LRRK2: variants seen among roughly 807,000 people sequenced by gnomAD.
LRRK2 encodes leucine-rich repeat serine/threonine-protein kinase 2.
A neutral mutation model predicts 302.6 loss-of-function variants in LRRK2; 203 were observed. The ratio of observed to expected loss-of-function variants is 0.67; its 90% CI spans 0.60 to 0.75. The LOEUF is 0.75. Among genes scored for constraint, LRRK2 ranks in the 30% least tolerant of loss-of-function variants. The pLI, the probability that LRRK2 is intolerant of heterozygous loss-of-function variation, is 0.00. For missense variants in LRRK2, 2,830 were observed against 2,951.0 expected, an observed-to-expected ratio of 0.96 and a Z score of 0.95; for synonymous variants, 1,066 against 1,031.9, an observed-to-expected ratio of 1.03 and a Z score of -0.63.
At chr12:40,355,531 T>TCCCTCCCTG (rs1946504910) in intron 45 of LRRK2, among the ~76,000 whole-genome samples, 1 of 32,168 alleles carries the variant, frequency 3.1e-5, no homozygotes, top group Admixed American at 3.4e-4. Flanking sequence ...CTCCCTCCCT[T>TCCCTCCCTG]CCTTCCTTCC....
chr12:40,351,505 T>G, intron 43 of LRRK2, 34 bp from the exon 44 acceptor site: 1 of 1,600,468 alleles, frequency 6.2e-7, no homozygotes, highest in Non-Finnish European at 8.6e-7. Flanking sequence ...GTTAACTCGA[T>G]AAGTACTGTT....
intron 40 of LRRK2, among the ~76,000 whole-genome samples, chr12:40,335,782 A>G (rs1945850276): frequency 6.6e-6 from 1 of 152,176 alleles, no homozygotes; most frequent in South Asian, 2.1e-4. Context: ...TGACTTCTGT[A>G]ATAATTGGAG....
chr12:40,345,642 A>AAAG (rs1946170792), intron 41 of LRRK2, among the ~76,000 whole-genome samples: 1 of 150,696 alleles, frequency 6.6e-6, no homozygotes, highest in Non-Finnish European at 1.5e-5. Context: ...AAAAAAAAAA[A>AAAG]AAAGAAAGAA....
intron 40 of LRRK2, among the ~76,000 whole-genome samples, chr12:40,338,079 A>G (rs765795254): frequency 6.6e-6 from 1 of 152,196 alleles, no homozygotes; most frequent in Non-Finnish European, 1.5e-5. Context: ...AAAGCTAGAT[A>G]TTATATTGTT....
intron 42 of LRRK2, among the ~76,000 whole-genome samples, chr12:40,347,463 A>T (rs907846337): frequency 4.6e-5 from 7 of 152,194 alleles, no homozygotes; most frequent in Admixed American, 4.6e-4. Flanking sequence ...TTTTAAGTTT[A>T]TTTAGCTCTT....
chr12:40,246,384 A>C (rs1047481017), intron 7 of LRRK2, among the ~76,000 whole-genome samples: 1 of 152,044 alleles, frequency 6.6e-6, no homozygotes, highest in African/African-American at 2.4e-5. Flanking sequence ...ACTTCTAAAA[A>C]ATCTTCTCTG....
chr12:40,244,309 T>C (rs1261094854), intron 7 of LRRK2, among the ~76,000 whole-genome samples: 1 of 152,202 alleles, frequency 6.6e-6, no homozygotes, highest in Non-Finnish European at 1.5e-5. Context: ...AATTTTCAAA[T>C]ATCAGTGCTA....
chr12:40,318,577 G>A (rs1179118704), intron 33 of LRRK2, among the ~76,000 whole-genome samples: 1 of 151,996 alleles, frequency 6.6e-6, no homozygotes, highest in Non-Finnish European at 1.5e-5. Flanking sequence ...TCAGGAAGAG[G>A]TAGAGTTAGA....
At chr12:40,261,712 C>CA (rs1942786585) in intron 13 of LRRK2, among the ~76,000 whole-genome samples, 1 of 152,062 alleles carries the variant, frequency 6.6e-6, no homozygotes, top group African/African-American at 2.4e-5. Context: ...CTGGTTTGAA[C>CA]ATGTTAAGTT....
At position 40,274,734 on chromosome 12, in the gene LRRK2, A is replaced by G. The variant is rs752669183; in HGVS notation, c.1801+7A>G. 1.9e-6 allele frequency: 3 copies of G among 1,614,076 alleles called. 1 individual carries two copies. Among genetic ancestry groups the G allele is most frequent in the South Asian group, 2.2e-5 (2 of 91,088 alleles). ...ATGTATCCAGATGACCAAGGTCAGTACAATTTGAATTCAGGATTTAGAATA... is the reference window on the plus strand; with the variant it reads ...ATGTATCCAGATGACCAAGGTCAGTGCAATTTGAATTCAGGATTTAGAATA... On this transcript the variant is annotated splice_region_variant and intron_variant, in intron 15 of 50. Coordinates refer to ENST00000298910, the MANE Select transcript of LRRK2 (RefSeq NM_198578.4).
intron 25 of LRRK2, chr12:40,301,159 G>T: frequency 2.2e-6 from 1 of 455,636 alleles, no homozygotes; most frequent in East Asian, 6.9e-5. Flanking sequence ...AGTTTGAGAA[G>T]TGGTCTTACA....
In LRRK2 at chr12:40,365,050, G is replaced by A; in HGVS notation, c.7390G>A (p.Gly2464Arg). 1 of 1,610,978 alleles carries A rather than the reference G, an allele frequency of 6.2e-7. No individual in the cohort carries two copies. The highest frequency in any genetic ancestry group is 8.5e-7 in the Non-Finnish European group (1 of 1,177,850). The part of the protein sequence containing the change: ...SVRVMMTAQL[G>R]SLKNVMLVLG... ...CAGAGTCATGATGACAGCACAGCTA[G>A]GCAAGTTTCTTTCCTTTAGATATTT... The change falls in exon 49 of 51, where the codon GGA becomes AGA. Residue 2464 changes from glycine (G) to arginine (R), a missense_variant and splice_region_variant. This residue lies in a region of LRRK2 where 456 missense variants were observed against 456.3 expected (regional missense o/e 1.00). Coordinates refer to ENST00000298910, the MANE Select transcript of LRRK2 (RefSeq NM_198578.4).
chr12:40,285,680 A>C (rs1439775161), intron 19 of LRRK2, among the ~76,000 whole-genome samples: 2 of 152,026 alleles, frequency 1.3e-5, no homozygotes, highest in Non-Finnish European at 2.9e-5. Flanking sequence ...AAAAAAACCT[A>C]AGTATTCCCC....
At chr12:40,340,819 A>T (rs1946015985) in intron 41 of LRRK2, among the ~76,000 whole-genome samples, 1 of 152,200 alleles carries the variant, frequency 6.6e-6, no homozygotes, top group African/African-American at 2.4e-5. Flanking sequence ...TCAGGTCCAC[A>T]AATTCTTTTT....
intron 33 of LRRK2, 67 bp downstream of exon 33, chr12:40,315,367 C>A: frequency 7.7e-7 from 1 of 1,307,018 alleles, no homozygotes; most frequent in Non-Finnish European, 1.1e-6. Context: ...GCGCCCAGAG[C>A]ATTGAGCATT....
At chr12:40,318,193 T>TA (rs1945284851) in intron 33 of LRRK2, among the ~76,000 whole-genome samples, 1 of 152,004 alleles carries the variant, frequency 6.6e-6, no homozygotes, top group Admixed American at 6.6e-5. Flanking sequence ...TACATTCTAG[T>TA]AACCAGAGCA....
Position 40,284,020 on chromosome 12 carries a change from T to C in LRRK2, c.2387T>C (p.Leu796Pro). The C allele has an allele frequency of 6.2e-7, 1 of 1,613,966 alleles. No homozygotes were observed. The highest frequency in any genetic ancestry group is 8.5e-7 in the Non-Finnish European group (1 of 1,179,880). ...AGCTTGCTCTTAAGGAGGCTGGCCC[T>C]GGATGTGGCCAACAATAGCATTTGC... ...IISLLLRRLALDVANNSICLG... is the reference protein window; with the variant it reads ...IISLLLRRLAPDVANNSICLG... Residue 796 changes from leucine to proline, a missense_variant, in exon 19 of 51, where the codon CTG (leucine) becomes CCG (proline). Around this residue, in one of 3 missense-constraint regions of LRRK2, gnomAD observed 2,121 missense variants for 2,148.0 expected, o/e 0.99. Transcript: ENST00000298910.
chr12:40,301,681 T>C (rs1944632216), intron 25 of LRRK2, among the ~76,000 whole-genome samples: 1 of 152,182 alleles, frequency 6.6e-6, no homozygotes, highest in Non-Finnish European at 1.5e-5. Context: ...ATTTTTAACC[T>C]TGAAAATGCT....
chr12:40,259,435 A>C (rs1942671593), intron 12 of LRRK2, 45 bp from the exon 13 acceptor site: 2 of 1,611,528 alleles, frequency 1.2e-6, no homozygotes, highest in Non-Finnish European at 1.7e-6. Flanking sequence ...TATACCATTG[A>C]ATCAGATCAG....
Sources: allele counts gnomAD v4.1 joint callset (sites outside exome capture counted in the v4.1 genomes callset), GRCh38; gene constraint gnomAD v4.1.1; regional missense constraint gnomAD v4.1.1; transcripts MANE v1.5; gene names NCBI Gene and HGNC (gene_info 2026-07-23, HGNC 2026-07-21).